Variants in IGF2BP2 observed in about 807,000 individuals in gnomAD.
The protein encoded by IGF2BP2 is insulin-like growth factor 2 mRNA-binding protein 2.
Under a neutral mutation model 75.8 loss-of-function variants are expected in IGF2BP2, and 17 were observed. The observed-to-expected ratio is 0.22, with a 90% CI of 0.15 to 0.34. IGF2BP2 has a LOEUF of 0.34. Among genes scored for constraint, IGF2BP2 ranks in the 10% least tolerant of loss-of-function variants. The pLI, the probability that IGF2BP2 is intolerant of heterozygous loss-of-function variation, is 1.00. For missense variants in IGF2BP2, 516 were observed against 772.4 expected (o/e 0.67, Z 3.93); for synonymous variants, 288 against 295.6 (o/e 0.97, Z 0.26).
rs1158529298 is a variant in IGF2BP2, at chr3:185,711,656, G to A, written c.240-13309C>T. Among the ~76,000 whole-genome samples the A allele has an allele frequency of 2.0e-5, 3 of 152,192 alleles. No homozygotes were observed. In the East Asian group the frequency reaches 5.8e-4, roughly 29 times the overall value. ...GGTGAACGACCTACCTGGCTCAGCA[G>A]GTGGCCACAGGCAGTCCCCGCTACC... On this transcript the variant is annotated intron_variant, in intron 2 of 15. Transcript: ENST00000382199.
At chr3:185,770,037 AG>A (rs1226549028) in intron 2 of IGF2BP2, among the ~76,000 whole-genome samples, 2 of 152,104 alleles carry the variant, frequency 1.3e-5, no homozygotes, top group African/African-American at 4.8e-5. Flanking sequence ...TGGGGACCAG[AG>A]GCCCACACAA....
intron 2 of IGF2BP2, chr3:185,716,650 G>C: frequency 1.9e-6 from 1 of 520,098 alleles, no homozygotes; most frequent in Non-Finnish European, 3.8e-6. Flanking sequence ...GCCCTCAGCT[G>C]TCTTGGGCTC....
At chr3:185,755,035 T>C (rs1221482416) in intron 2 of IGF2BP2, among the ~76,000 whole-genome samples, 1 of 152,134 alleles carries the variant, frequency 6.6e-6, no homozygotes, top group East Asian at 1.9e-4. Flanking sequence ...TTACAGAGAT[T>C]AGCATGACTA....
At chr3:185,676,627 C>T (rs937452010) in intron 7 of IGF2BP2, among the ~76,000 whole-genome samples, 3 of 151,324 alleles carry the variant, frequency 2.0e-5, no homozygotes, top group African/African-American at 7.3e-5. Context: ...GAACCATGAT[C>T]ACACACTTCT....
Position 185,647,113 on chromosome 3 carries a change from C to T in IGF2BP2, c.1619G>A (p.Ser540Asn), listed in dbSNP as rs920094859. 1 of 1,614,100 alleles carries T rather than the reference C, an allele frequency of 6.2e-7. No individual in the cohort carries two copies. Among genetic ancestry groups the T allele is most frequent in the Non-Finnish European group, 8.5e-7 (1 of 1,179,958 alleles). Reference sequence around the variant, plus strand: ...GTCACGAGGCACGATGACTTCTGCACTGGTTAAGTTCTGCAGTTCGTTCAC... The same window carrying T: ...GTCACGAGGCACGATGACTTCTGCATTGGTTAAGTTCTGCAGTTCGTTCAC... Reference protein sequence around the residue: ...KTVNELQNLTSAEVIVPRDQT... With the variant: ...KTVNELQNLTNAEVIVPRDQT... Residue 540 changes from serine to asparagine, a missense_variant, in exon 15 of 16, where the codon AGT becomes AAT. Around this residue, in one of 3 missense-constraint regions of IGF2BP2, gnomAD observed 129 missense variants for 230.5 expected, o/e 0.56. Coordinates refer to ENST00000382199, the MANE Select transcript of IGF2BP2 (RefSeq NM_006548.6). This position sits in a 1 kb window ranked among gnomAD's most constrained non-coding sequence, Gnocchi z 4.9.
chr3:185,698,020 C>A (rs1442204943), intron 3 of IGF2BP2, among the ~76,000 whole-genome samples: 1 of 152,152 alleles, frequency 6.6e-6, no homozygotes, highest in African/African-American at 2.4e-5. Context: ...ATACAAATCA[C>A]AACCAGGTAT....
chr3:185,805,887 C>G (rs1196605552), intron 2 of IGF2BP2, among the ~76,000 whole-genome samples: 1 of 151,626 alleles, frequency 6.6e-6, no homozygotes, highest in Non-Finnish European at 1.5e-5. Context: ...TCTCCTGCCT[C>G]AGCCTCCCAA....
intron 10 of IGF2BP2, among the ~76,000 whole-genome samples, chr3:185,671,581 C>T (rs910356931): frequency 6.6e-6 from 1 of 151,274 alleles, no homozygotes; most frequent in East Asian, 1.9e-4. Flanking sequence ...TTCAGAAGAG[C>T]CATATATAAG....
intron 2 of IGF2BP2, among the ~76,000 whole-genome samples, chr3:185,821,431 A>C (rs997693227): frequency 2.0e-5 from 3 of 152,190 alleles, no homozygotes; most frequent in African/African-American, 7.2e-5. Flanking sequence ...TGAACTCTTA[A>C]ACAGAACAAA....
chr3:185,771,500 A>G (rs1733874478), intron 2 of IGF2BP2, among the ~76,000 whole-genome samples: 1 of 151,900 alleles, frequency 6.6e-6, no homozygotes, highest in Admixed American at 6.6e-5. Flanking sequence ...CAATTAAAAT[A>G]TGTTTATGAG....
intron 2 of IGF2BP2, among the ~76,000 whole-genome samples, chr3:185,738,019 C>A (rs1032446846): frequency 1.3e-5 from 2 of 151,864 alleles, no homozygotes; most frequent in Admixed American, 6.6e-5. Context: ...ACCCTCACTG[C>A]CAATGTTTAA....
At chr3:185,726,278 G>A (rs1027512435) in intron 2 of IGF2BP2, among the ~76,000 whole-genome samples, 5 of 152,130 alleles carry the variant, frequency 3.3e-5, no homozygotes, top group Admixed American at 1.3e-4. Flanking sequence ...ATGGACCCAC[G>A]GTCAGAGGAG....
At position 185,821,222 on chromosome 3, in the gene IGF2BP2, T is replaced by C. The variant is rs1055701685; in HGVS notation, c.239+1931A>G. ...CCAATCAGAAATGATGTAACTCCTC[T>C]AGAGCAGCAGCTTATGCATACATTT... On this transcript the variant is annotated intron_variant, in intron 2 of 15. Transcript: ENST00000382199. 16 of 1,098,976 alleles carry C rather than the reference T, an allele frequency of 1.5e-5. 1 individual carries two copies. In the African/African-American group the frequency reaches 2.1e-4, roughly 14 times the overall value. 68.1% of individuals were successfully genotyped at this position (1,098,976 alleles called of 1,614,324 possible).
chr3:185,704,167 T>A (rs1018633781), intron 2 of IGF2BP2, among the ~76,000 whole-genome samples: 10 of 152,222 alleles, frequency 6.6e-5, no homozygotes, highest in South Asian at 4.1e-4. Flanking sequence ...GATTTCCTCA[T>A]GTGCATTACC....
chr3:185,700,185 A>G (rs1723100950), intron 2 of IGF2BP2, among the ~76,000 whole-genome samples: 1 of 151,954 alleles, frequency 6.6e-6, no homozygotes, highest in Non-Finnish European at 1.5e-5. Flanking sequence ...AAATGTTACA[A>G]CTCAAGCAGA....
chr3:185,690,427 T>C (rs1292369151), intron 5 of IGF2BP2, among the ~76,000 whole-genome samples: 2 of 152,230 alleles, frequency 1.3e-5, no homozygotes, highest in Admixed American at 6.5e-5. Context: ...AAACAGTTAA[T>C]ATTCTAAAAC....
intron 2 of IGF2BP2, among the ~76,000 whole-genome samples, chr3:185,757,722 G>A (rs1244132275): frequency 6.6e-6 from 1 of 152,038 alleles, no homozygotes; most frequent in Non-Finnish European, 1.5e-5. Flanking sequence ...ATGGTCTCTC[G>A]AAGTGCCGAG....
Position 185,702,234 on chromosome 3 carries a change from G to A in IGF2BP2, c.240-3887C>T, listed in dbSNP as rs1723404395. 2.6e-5 allele frequency among the ~76,000 whole-genome samples: 4 copies of A among 152,096 alleles called. No homozygotes were observed. The South Asian group carries it at 8.3e-4, about 32-fold the overall frequency. On this transcript the variant is annotated intron_variant, in intron 2 of 15. Coordinates refer to ENST00000382199, the MANE Select transcript of IGF2BP2 (RefSeq NM_006548.6). The stretch of plus-strand genomic sequence containing the variant: ...GGCTGAGAAGAGCACTCCTGCTGCT[G>A]GCTGCAGTCTGTTCATGATGAAGAT...
At chr3:185,743,645 T>C (rs1729867524) in intron 2 of IGF2BP2, among the ~76,000 whole-genome samples, 1 of 152,222 alleles carries the variant, frequency 6.6e-6, no homozygotes, top group Non-Finnish European at 1.5e-5. Flanking sequence ...CATTCTGCAC[T>C]TGGTCCAGCA....
Sources: gnomAD v4.1 joint callset for allele counts (sites outside exome capture counted in the v4.1 genomes callset) on GRCh38, gnomAD v4.1.1 for gene constraint, gnomAD v4.1.1 regional missense constraint, Gnocchi (gnomAD v3.1) non-coding constraint, MANE v1.5 for transcripts, NCBI Gene and HGNC (gene_info 2026-07-23, HGNC 2026-07-21) for gene names.